Variants in TMPRSS9 observed in about 807,000 individuals in gnomAD.
TMPRSS9 encodes the protein transmembrane protease serine 9.
A neutral mutation model predicts 111.4 loss-of-function variants in TMPRSS9; 113 were observed. The ratio of observed to expected loss-of-function variants is 1.01; its 90% CI spans 0.87 to 1.19. The LOEUF (loss-of-function observed/expected upper bound fraction) is 1.19. Ranked by LOEUF, TMPRSS9 falls within the 50% of genes most tolerant of loss-of-function variation. TMPRSS9 has a pLI of 0.00. For missense variants in TMPRSS9, 1,803 were observed against 1,513.1 expected (o/e 1.19, Z -3.18); for synonymous variants, 805 against 659.1 (o/e 1.22, Z -3.39).
intron 11 of TMPRSS9, chr19:2,416,220 AG>A: frequency 2.3e-6 from 1 of 437,100 alleles, no homozygotes; most frequent in East Asian, 3.7e-5. Flanking sequence ...CTGGGGCAAC[AG>A]AGCGAGACCC....
At position 2,418,327 on chromosome 19, in the gene TMPRSS9, C is replaced by T. The variant is rs1422475758; in HGVS notation, c.2154+189C>T. 3.5e-3 allele frequency among the ~76,000 whole-genome samples: 127 copies of T among 36,160 alleles called. 7 individuals carry two copies. Among genetic ancestry groups the T allele is most frequent in the African/African-American group, 0.013 (43 of 3,326 alleles). The allele number at this position is 36,160 out of a possible 152,430, so 23.7% of individuals were successfully genotyped here. A position where few individuals can be genotyped will look rare whatever the true frequency, so the allele number is the denominator to read the frequency against. On this transcript the variant is annotated intron_variant, in intron 13 of 17. Transcript: ENST00000648592. The stretch of plus-strand genomic sequence containing the variant: ...TCCCTTTCCCTCCCTCCCTCCCTCC[C>T]TCCCTTTCCTTCCCTCCCTTTCCCT...
At chr19:2,380,822 T>C (rs1970379963) in intron 1 of TMPRSS9, among the ~76,000 whole-genome samples, 1 of 152,126 alleles carries the variant, frequency 6.6e-6, no homozygotes, top group African/African-American at 2.4e-5. Context: ...CTAATACAGT[T>C]TCTCTACAAT....
intron 1 of TMPRSS9, among the ~76,000 whole-genome samples, chr19:2,369,815 G>C (rs1022510698): frequency 2.0e-5 from 3 of 152,018 alleles, no homozygotes; most frequent in African/African-American, 7.2e-5. Flanking sequence ...TGTGGTTTCT[G>C]TGGGTTGGGT....
intron 14 of TMPRSS9, 68 bp from the exon 16 acceptor site, chr19:2,424,021 C>T (rs1375840552): frequency 3.2e-6 from 4 of 1,240,772 alleles, no homozygotes; most frequent in Admixed American, 4.2e-5. Context: ...GGAGAGGCGG[C>T]GCCCAGGGGG....
At chr19:2,425,847 C>T in intron 17 of TMPRSS9, 80 bp from the exon 19 acceptor site, 1 of 1,496,640 alleles carries the variant, frequency 6.7e-7, no homozygotes, top group Non-Finnish European at 8.9e-7. Flanking sequence ...ACTAGGGTCA[C>T]TCCTAGAGGG....
At chr19:2,362,029 G>A (rs886432163) in intron 1 of TMPRSS9, among the ~76,000 whole-genome samples, 22 of 152,084 alleles carry the variant, frequency 1.4e-4, no homozygotes, top group Admixed American at 1.2e-3. Context: ...ATGTGTGGTT[G>A]TGTGTGGCAA....
intron 1 of TMPRSS9, among the ~76,000 whole-genome samples, chr19:2,394,243 A>G (rs1970661606): frequency 1.1e-5 from 1 of 92,560 alleles, no homozygotes; most frequent in Non-Finnish European, 2.4e-5. Context: ...GCCAGGCGTG[A>G]TAGTGGGCGC....
chr19:2,422,613 C>T (rs890461938), intron 14 of TMPRSS9, among the ~76,000 whole-genome samples: 1 of 151,794 alleles, frequency 6.6e-6, no homozygotes, highest in Non-Finnish European at 1.5e-5. Context: ...TGGCTGGGCG[C>T]GGTGGCTCAT....
intron 4 of TMPRSS9, among the ~76,000 whole-genome samples, chr19:2,399,697 G>C (rs1488834658): frequency 6.6e-6 from 1 of 152,082 alleles, no homozygotes; most frequent in Non-Finnish European, 1.5e-5. Flanking sequence ...GTGTTGTCTT[G>C]TCTTGTCTTC....
chr19:2,424,225 G>A (rs752475159), exon 15 of TMPRSS9: 2 of 1,425,094 alleles, frequency 1.4e-6, no homozygotes, highest in South Asian at 1.6e-5. Context: ...TGGCAGAGAG[G>A]TGGCTGCTGT....
intron 1 of TMPRSS9, among the ~76,000 whole-genome samples, chr19:2,382,134 C>G (rs1377631283): frequency 6.6e-6 from 1 of 152,168 alleles, no homozygotes; most frequent in Admixed American, 6.6e-5. Context: ...AGCCACAGCA[C>G]CCAGCCAGAA....
At chr19:2,422,768 A>G (rs1971496170) in intron 14 of TMPRSS9, among the ~76,000 whole-genome samples, 1 of 152,080 alleles carries the variant, frequency 6.6e-6, no homozygotes, top group Non-Finnish European at 1.5e-5. Context: ...GGTGCCTGTA[A>G]TCCCAGCTAC....
chr19:2,374,212 C>G (rs74345200), intron 1 of TMPRSS9, among the ~76,000 whole-genome samples: 2,482 of 145,254 alleles, frequency 0.017, 25 homozygotes, highest in Non-Finnish European at 0.027. Flanking sequence ...AAAGTCCTGC[C>G]TGTCCATTAA....
At chr19:2,419,788 A>G (rs1446193273) in intron 13 of TMPRSS9, among the ~76,000 whole-genome samples, 1 of 152,110 alleles carries the variant, frequency 6.6e-6, no homozygotes, top group Admixed American at 6.6e-5. Context: ...AACTGCTAGG[A>G]TGGCAGGCCT....
intron 1 of TMPRSS9, among the ~76,000 whole-genome samples, chr19:2,395,739 G>A (rs1447848189): frequency 6.6e-6 from 1 of 152,086 alleles, no homozygotes; most frequent in Non-Finnish European, 1.5e-5. Context: ...CGGGTGTGGT[G>A]GCTCACGCCT....
Position 2,418,337 on chromosome 19 carries a change from T to TTCTC in TMPRSS9, c.2154+201_2154+202insTCTC, listed in dbSNP as rs1230265801. 8.8e-3 allele frequency among the ~76,000 whole-genome samples: 264 copies of TTCTC among 30,140 alleles called. 24 individuals carry two copies. The East Asian group carries it at 0.17, about 20-fold the overall frequency. 19.8% of individuals were successfully genotyped at this position (30,140 alleles called of 152,430 possible). A position where few individuals can be genotyped will look rare whatever the true frequency, so the allele number is the denominator to read the frequency against. ...TCCCTCCCTCCCTCCCTCCCTTTCCTTCCCTCCCTTTCCCTCCCTCCCTCC... is the reference window on the plus strand; with the variant it reads ...TCCCTCCCTCCCTCCCTCCCTTTCCTTCTCTCCCTCCCTTTCCCTCCCTCCCTCC... On this transcript the variant is annotated intron_variant, in intron 13 of 17. Transcript: ENST00000648592.
chr19:2,397,063 G>T (rs920145236), intron 2 of TMPRSS9, among the ~76,000 whole-genome samples: 42 of 152,010 alleles, frequency 2.8e-4, no homozygotes, highest in African/African-American at 9.4e-4. Flanking sequence ...TGGGATTACA[G>T]GTGCACGCCA....
intron 13 of TMPRSS9, among the ~76,000 whole-genome samples, chr19:2,419,763 C>T (rs1021107861): frequency 7.9e-5 from 12 of 152,080 alleles, no homozygotes; most frequent in South Asian, 2.1e-4. Context: ...GTGATCCGCC[C>T]GCCTCAGCCT....
At chr19:2,374,248 C>CTTTTTTTTTTTTTTTTTTTTTTTTTT (rs1027376774) in intron 1 of TMPRSS9, among the ~76,000 whole-genome samples, 1 of 70,398 alleles carries the variant, frequency 1.4e-5, no homozygotes, top group Non-Finnish European at 2.7e-5. Context: ...TCTCAACAAT[C>CTTTTTTTTTTTTTTTTTTTTTTTTTT]TTTTTTTTTT....
Sources: allele counts gnomAD v4.1 joint callset (sites outside exome capture counted in the v4.1 genomes callset), GRCh38; gene constraint gnomAD v4.1.1; transcripts MANE v1.5; gene names NCBI Gene and HGNC (gene_info 2026-07-23, HGNC 2026-07-21).